Variants in SSH2 observed in about 807,000 individuals in gnomAD.
SSH2 encodes the protein protein phosphatase Slingshot homolog 2.
SSH2 carries 37 observed loss-of-function variants against 135.2 expected under a neutral mutation model. The observed-to-expected ratio is 0.27, with a 90% CI of 0.21 to 0.36. SSH2 has a LOEUF of 0.36. SSH2 is among the 10% of genes least tolerant of loss of function. The pLI, the probability that SSH2 is intolerant of heterozygous loss-of-function variation, is 1.00. For missense variants in SSH2, 1,408 were observed against 1,765.3 expected (o/e 0.80, Z 3.63); for synonymous variants, 628 against 646.2 (o/e 0.97, Z 0.43).
chr17:29,759,024 A>T, intron 3 of SSH2, among the ~76,000 whole-genome samples: 1 of 151,638 alleles, frequency 6.6e-6, no homozygotes. Context: ...GATTACAGAT[A>T]TAAGCCACTG....
chr17:29,909,064 A>G (rs958489495), intron 1 of SSH2, among the ~76,000 whole-genome samples: 15 of 152,172 alleles, frequency 9.9e-5, no homozygotes, highest in Admixed American at 7.2e-4. Context: ...GTGACAGAGC[A>G]AGACTCCGTC....
rs184644497 is a variant in SSH2, at chr17:29,684,830, G to A, written c.358-146C>T. On this transcript the variant is annotated intron_variant, in intron 5 of 15. Coordinates refer to ENST00000540801, the MANE Select transcript of SSH2 (RefSeq NM_001282129.2). ...GAGACATAAATTAAAATCTCAGCTCGTACACTAGCTATAAAAACTTTGGTA... is the reference window on the plus strand; with the variant it reads ...GAGACATAAATTAAAATCTCAGCTCATACACTAGCTATAAAAACTTTGGTA... The A allele has an allele frequency of 9.1e-4, 560 of 616,570 alleles. 2 individuals are homozygous for A. The highest frequency in any genetic ancestry group is 1.1e-3 in the Non-Finnish European group (406 of 384,196). The allele number at this position is 616,570 out of a possible 1,614,324, so 38.2% of individuals were successfully genotyped here.
At chr17:29,743,907 CTTTTTTT>C (rs59540894) in intron 3 of SSH2, among the ~76,000 whole-genome samples, 57 of 99,864 alleles carry the variant, frequency 5.7e-4, no homozygotes, top group South Asian at 3.4e-3. Context: ...TTCTTTTTTC[CTTTTTTT>C]TTTTTTTTTT....
In SSH2 at chr17:29,648,231, T is replaced by C; in HGVS notation, c.1340A>G (p.Asp447Gly). 6.2e-7 allele frequency: 1 copy of C among 1,614,176 alleles called. No homozygotes were observed. Among genetic ancestry groups the C allele is most frequent in the Non-Finnish European group, 8.5e-7 (1 of 1,180,042 alleles). ...EYGWNLDRAY[D>G]YVKERRTVTK... ...TACCGTTCGTCTTTCTTTCACATAG[T>C]CATAGGCTCGGTCCAGATTCCAGCC... Residue 447 changes from aspartate (D) to glycine (G), a missense_variant, in exon 14 of 16, where the codon GAC becomes GGC. Physicochemically the swap from Asp to Gly is moderately conservative, Grantham distance 94. This residue lies in a region of SSH2 where 106 missense variants were observed against 265.2 expected (regional missense o/e 0.40). Coordinates refer to ENST00000540801, the MANE Select transcript of SSH2 (RefSeq NM_001282129.2).
At chr17:29,929,173 TGG>T (rs1327886004) in intron 1 of SSH2, 1 of 152,168 alleles carries the variant, frequency 6.6e-6, no homozygotes, top group Non-Finnish European at 1.5e-5. Flanking sequence ...CATGCTTTAT[TGG>T]CATAGGCATC....
At chr17:29,739,165 T>A (rs972586856) in intron 3 of SSH2, among the ~76,000 whole-genome samples, 2 of 151,922 alleles carry the variant, frequency 1.3e-5, no homozygotes, top group Non-Finnish European at 2.9e-5. Flanking sequence ...ACAAGAAAAA[T>A]TTTATAGGAA....
rs930456943 is a variant in SSH2 at position 29,929,806 on chromosome 17, G to A, written c.63+132C>T. On this transcript the variant is annotated intron_variant, in intron 1 of 15. Coordinates refer to ENST00000540801, the MANE Select transcript of SSH2 (RefSeq NM_001282129.2). ...GTCTTTAACATGGGGGTGTGGGGGG[G>A]TTCGCGGCAGCCGAGTGCCAAGGCC... 5 of 795,988 alleles carry A rather than the reference G, an allele frequency of 6.3e-6. No individual in the cohort carries two copies. In the African/African-American group the frequency reaches 6.8e-5, roughly 11 times the overall value. 49.3% of individuals were successfully genotyped at this position (795,988 alleles called of 1,614,324 possible).
At chr17:29,871,608 AAAT>A (rs1280642847) in intron 1 of SSH2, among the ~76,000 whole-genome samples, 1 of 152,226 alleles carries the variant, frequency 6.6e-6, no homozygotes, top group Non-Finnish European at 1.5e-5. Flanking sequence ...ATAAATAAGA[AAAT>A]AAATCATAAA....
chr17:29,824,457 A>G (rs111990915), intron 2 of SSH2, among the ~76,000 whole-genome samples: 2,231 of 152,256 alleles, frequency 0.015, 57 homozygotes, highest in African/African-American at 0.05. Context: ...AAATTGTCCC[A>G]GAAGCCTCCC....
chr17:29,898,664 G>C (rs2066489568), intron 1 of SSH2, among the ~76,000 whole-genome samples: 1 of 152,100 alleles, frequency 6.6e-6, no homozygotes, highest in South Asian at 2.1e-4. Context: ...AAAAAGTCCA[G>C]GACCAGATGG....
At chr17:29,923,653 GA>G (rs1247046772) in intron 1 of SSH2, among the ~76,000 whole-genome samples, 2 of 151,076 alleles carry the variant, frequency 1.3e-5, no homozygotes, top group Non-Finnish European at 3.0e-5. Flanking sequence ...AGGGGGGTTG[GA>G]AAAAAACTGA....
intron 6 of SSH2, among the ~76,000 whole-genome samples, chr17:29,680,551 CAAAAAAAAAAAAAAAAAAAA>C (rs1160865828): frequency 4.6e-5 from 1 of 21,540 alleles, no homozygotes; most frequent in African/African-American, 1.8e-4. Flanking sequence ...GACTCCCTCT[CAAAAAAAAAAAAAAAAAAAA>C]AAAAAAAAAG....
chr17:29,817,532 T>G (rs1343995534), intron 2 of SSH2, among the ~76,000 whole-genome samples: 1 of 152,158 alleles, frequency 6.6e-6, no homozygotes, highest in African/African-American at 2.4e-5. Flanking sequence ...TCATTAGAAT[T>G]TTTATAATCA....
intron 3 of SSH2, among the ~76,000 whole-genome samples, chr17:29,790,598 T>G (rs970275206): frequency 1.3e-5 from 2 of 152,246 alleles, no homozygotes; most frequent in Non-Finnish European, 2.9e-5. Flanking sequence ...GGTTGCCTTT[T>G]CACTCTGTTG....
intron 3 of SSH2, among the ~76,000 whole-genome samples, chr17:29,722,983 C>G (rs1157945674): frequency 6.6e-6 from 1 of 152,238 alleles, no homozygotes; most frequent in East Asian, 1.9e-4. Flanking sequence ...TGAGCTACCC[C>G]TCTTCCCAAA....
At chr17:29,868,750 A>C (rs941055315) in intron 1 of SSH2, among the ~76,000 whole-genome samples, 8 of 151,732 alleles carry the variant, frequency 5.3e-5, no homozygotes, top group Non-Finnish European at 1.0e-4. Context: ...AAAAAAAAAA[A>C]AAAACTCAGT....
At chr17:29,854,271 G>C (rs2151394209) in intron 1 of SSH2, among the ~76,000 whole-genome samples, 1 of 151,924 alleles carries the variant, frequency 6.6e-6, no homozygotes, top group African/African-American at 2.4e-5. Context: ...CACTTTTCTG[G>C]GTGCTGAATT....
At chr17:29,709,015 T>TATATATATATATAGAGAG (rs780981175) in intron 3 of SSH2, among the ~76,000 whole-genome samples, 12 of 81,590 alleles carry the variant, frequency 1.5e-4, no homozygotes, top group East Asian at 4.5e-4. Flanking sequence ...TATATATATA[T>TATATATATATATAGAGAG]AGAGAGAGAG....
chr17:29,630,177 G>T lies in SSH2; in HGVS notation c.*664C>A, dbSNP rs2035609500. On this transcript the variant is annotated 3_prime_UTR_variant, in exon 16 of 16. Transcript: ENST00000540801. ...CCACTTGGATTTCATTTGGGGTCCT[G>T]TTTTAATTTCAAAAATAATTTTCTT... The T allele has an allele frequency of 6.6e-6, 1 of 152,148 alleles. No individual in the cohort carries two copies. The highest frequency in any genetic ancestry group is 1.5e-5 in the Non-Finnish European group (1 of 68,004). The allele number at this position is 152,148 out of a possible 1,614,324, so 9.4% of individuals were successfully genotyped here.
Sources: allele counts gnomAD v4.1 joint callset (sites outside exome capture counted in the v4.1 genomes callset), GRCh38; gene constraint gnomAD v4.1.1; regional missense constraint gnomAD v4.1.1; transcripts MANE v1.5; gene names NCBI Gene and HGNC (gene_info 2026-07-23, HGNC 2026-07-21).